Variants in OTOGL observed in about 807,000 individuals in gnomAD.
The protein encoded by OTOGL is otogelin-like protein.
OTOGL carries 285 observed loss-of-function variants against 318.5 expected under a neutral mutation model. The ratio of observed to expected loss-of-function variants is 0.89; its 90% CI spans 0.81 to 0.99. The LOEUF (loss-of-function observed/expected upper bound fraction) is 0.99, where lower values mean the gene tolerates loss of function less well. Among genes scored for constraint, OTOGL ranks in the 50% least tolerant of loss-of-function variants. The pLI is 0.00. For missense variants in OTOGL, 2,899 were observed against 2,845.6 expected, an observed-to-expected ratio of 1.02 and a Z score of -0.43; for synonymous variants, 987 against 936.5, an observed-to-expected ratio of 1.05 and a Z score of -0.99.
At chr12:80,213,709 A>G (rs1407576460) in intron 4 of OTOGL, among the ~76,000 whole-genome samples, 1 of 152,198 alleles carries the variant, frequency 6.6e-6, no homozygotes, top group Non-Finnish European at 1.5e-5. Flanking sequence ...CCTTTTAGTG[A>G]GAATGAAGAG....
chr12:80,356,633 G>T (rs1889919038), intron 48 of OTOGL, 113 bp downstream of exon 48: 3 of 890,632 alleles, frequency 3.4e-6, no homozygotes, highest in Non-Finnish European at 4.8e-6. Flanking sequence ...AAAGATTGCG[G>T]ACTTGTCTTG....
At chr12:80,163,043 T>C (rs10862073) in intron 1 of OTOGL, among the ~76,000 whole-genome samples, 1 of 152,016 alleles carries the variant, frequency 6.6e-6, no homozygotes, top group Admixed American at 6.6e-5. Context: ...TCCAAAAAAA[T>C]GGAGCCTGGA....
intron 1 of OTOGL, among the ~76,000 whole-genome samples, chr12:80,126,396 T>C (rs1870840052): frequency 6.6e-6 from 1 of 152,232 alleles, no homozygotes; most frequent in African/African-American, 2.4e-5. Context: ...TGCACTGTGG[T>C]CTAAGAGACA....
At chr12:80,289,066 C>T (rs911805764) in intron 26 of OTOGL, among the ~76,000 whole-genome samples, 1 of 152,038 alleles carries the variant, frequency 6.6e-6, no homozygotes, top group African/African-American at 2.4e-5. Flanking sequence ...ATGCTGATGG[C>T]CTTTGGATGG....
chr12:80,115,595 C>G (rs981061200), intron 1 of OTOGL, among the ~76,000 whole-genome samples: 1 of 152,208 alleles, frequency 6.6e-6, no homozygotes, highest in Non-Finnish European at 1.5e-5. Flanking sequence ...ATCCATTGCT[C>G]TCTCCAGAGC....
At position 80,310,492 on chromosome 12, in the gene OTOGL, C is replaced by T. The variant is rs1356564356; in HGVS notation, c.3334-119C>T. The T allele has an allele frequency of 1.2e-5, 8 of 642,748 alleles. No individual in the cohort carries two copies. The Admixed American group carries it at 2.4e-4, about 19-fold the overall frequency. The allele number at this position is 642,748 out of a possible 1,614,324, so 39.8% of individuals were successfully genotyped here. A position where few individuals can be genotyped will look rare whatever the true frequency, so the allele number is the denominator to read the frequency against. The stretch of plus-strand genomic sequence containing the variant: ...TGTGAGCAGGTGCTTTACGCAAATC[C>T]TATCTAAAAGGATGAGAATATATTA... On this transcript the variant is annotated intron_variant, in intron 29 of 58. Coordinates refer to ENST00000547103, the MANE Select transcript of OTOGL (RefSeq NM_001378609.3).
chr12:80,275,286 A>G (rs1323865002), intron 24 of OTOGL, among the ~76,000 whole-genome samples: 1 of 151,878 alleles, frequency 6.6e-6, no homozygotes, highest in Non-Finnish European at 1.5e-5. Flanking sequence ...GTTTATTCTA[A>G]CCCTCACGGA....
chr12:80,353,956 T>G (rs994173932), intron 46 of OTOGL, among the ~76,000 whole-genome samples: 1 of 152,182 alleles, frequency 6.6e-6, no homozygotes, highest in Non-Finnish European at 1.5e-5. Context: ...AAAGTAAGCA[T>G]GTAAGAAATG....
At chr12:80,151,889 C>G (rs144103582) in intron 1 of OTOGL, among the ~76,000 whole-genome samples, 1 of 152,194 alleles carries the variant, frequency 6.6e-6, no homozygotes, top group Admixed American at 6.5e-5. Flanking sequence ...ACAAGAATAT[C>G]TAATCATTCA....
In OTOGL at chr12:80,292,007, A is replaced by G. The variant is rs1036898225; in HGVS notation, c.2929-4820A>G. ...TTCTTTTTCTTTTTTTGTTTTTTTG[A>G]GATGGAGTTTCACTCTTATTGCCCA... On this transcript the variant is annotated intron_variant, in intron 26 of 58. Coordinates refer to ENST00000547103, the MANE Select transcript of OTOGL (RefSeq NM_001378609.3). Among the ~76,000 whole-genome samples the G allele has an allele frequency of 6.9e-5, 10 of 145,412 alleles. No individual in the cohort carries two copies. The East Asian group carries it at 1.8e-3, about 26-fold the overall frequency.
chr12:80,362,105 T>C (rs1890269011), intron 52 of OTOGL, among the ~76,000 whole-genome samples: 1 of 152,242 alleles, frequency 6.6e-6, no homozygotes, highest in Admixed American at 6.5e-5. Flanking sequence ...AGTGGTTTTA[T>C]AGTTTCAAGA....
chr12:80,147,921 C>T (rs1872514587), intron 1 of OTOGL, among the ~76,000 whole-genome samples: 1 of 152,052 alleles, frequency 6.6e-6, no homozygotes, highest in South Asian at 2.1e-4. Flanking sequence ...GATCTTCCTC[C>T]ATCCTTTTAT....
At chr12:80,299,698 AATTT>A (rs1279712855) in intron 27 of OTOGL, among the ~76,000 whole-genome samples, 1 of 151,708 alleles carries the variant, frequency 6.6e-6, no homozygotes, top group Non-Finnish European at 1.5e-5. Context: ...ATATTTTATT[AATTT>A]ATTTAAGCTG....
intron 4 of OTOGL, among the ~76,000 whole-genome samples, chr12:80,212,693 G>A (rs1877360212): frequency 6.6e-6 from 1 of 152,160 alleles, no homozygotes; most frequent in Non-Finnish European, 1.5e-5. Context: ...TATGATTTGA[G>A]TATTTATGTA....
intron 11 of OTOGL, among the ~76,000 whole-genome samples, chr12:80,245,426 C>T (rs768080792): frequency 7.4e-3 from 2 of 270 alleles, no homozygotes; most frequent in Non-Finnish European, 0.014. Context: ...GGAATCCTTT[C>T]CCCATTGCTT....
At chr12:80,322,804 A>G (rs898304462) in intron 34 of OTOGL, among the ~76,000 whole-genome samples, 5 of 152,186 alleles carry the variant, frequency 3.3e-5, no homozygotes, top group Non-Finnish European at 7.4e-5. Flanking sequence ...TTCAAACAAT[A>G]CTTATCTGGT....
At chr12:80,345,939 A>G (rs980923274) in intron 44 of OTOGL, among the ~76,000 whole-genome samples, 1 of 152,204 alleles carries the variant, frequency 6.6e-6, no homozygotes, top group African/African-American at 2.4e-5. Context: ...CAGTCCATAC[A>G]ATAGTGGAAA....
intron 45 of OTOGL, among the ~76,000 whole-genome samples, chr12:80,352,768 T>C (rs1889630598): frequency 6.6e-6 from 1 of 152,210 alleles, no homozygotes. Flanking sequence ...ATTATACCAT[T>C]TATAACCCCA....
In OTOGL at chr12:80,229,332, G is replaced by T; in HGVS notation, c.565G>T (p.Glu189Ter). The change falls in exon 8 of 59, where the codon GAG (glutamate) becomes TAG (stop). Residue 189 changes from glutamate to a stop codon, truncating the protein, a stop_gained. Transcript: ENST00000547103. LOFTEE classifies it high-confidence loss of function. The stretch of plus-strand genomic sequence containing the variant: ...AATCAGCTTGTTCTTTTCAAACCAA[G>T]AGGAAATTCGAATTTATGGTCATGA... ...RSISLFFSNQ[E>*]EIRIYGHEIK... is the part of the protein sequence containing the mutation. 1 of 1,596,062 alleles carries T rather than the reference G, an allele frequency of 6.3e-7. No homozygotes were observed. The highest frequency in any genetic ancestry group is 8.5e-7 in the Non-Finnish European group (1 of 1,176,800).
Sources: gnomAD v4.1 joint callset for allele counts (sites outside exome capture counted in the v4.1 genomes callset) on GRCh38, gnomAD v4.1.1 for gene constraint, MANE v1.5 for transcripts, NCBI Gene and HGNC (gene_info 2026-07-23, HGNC 2026-07-21) for gene names.